The following PDZRN4 variants were observed in gnomAD, a reference collection of about 807,000 sequenced individuals.
PDZRN4 encodes the protein PDZ domain-containing RING finger protein 4.
A neutral mutation model predicts 99.0 loss-of-function variants in PDZRN4; 70 were observed. The ratio of observed to expected loss-of-function variants is 0.71; its 90% confidence interval spans 0.58 to 0.86. The LOEUF is 0.86. PDZRN4 is among the 40% of genes least tolerant of loss of function. The probability of loss-of-function intolerance (pLI) is 0.00; values close to 1 mark genes in which losing one functional copy is unlikely to be tolerated. For synonymous variants in PDZRN4, 551 were observed against 501.6 expected, an observed-to-expected ratio of 1.10 and a Z score of -1.32; for missense variants, 1,474 against 1,331.2, an observed-to-expected ratio of 1.11 and a Z score of -1.67.
chr12:41,215,881 A>G (rs1174191152), intron 3 of PDZRN4, among the ~76,000 whole-genome samples: 2 of 151,696 alleles, frequency 1.3e-5, no homozygotes, highest in Non-Finnish European at 2.9e-5. Context: ...ATTGAATTTA[A>G]TTTGCTCTCC....
intron 5 of PDZRN4, among the ~76,000 whole-genome samples, chr12:41,513,080 A>G (rs1249150996): frequency 4.6e-5 from 7 of 152,196 alleles, no homozygotes; most frequent in African/African-American, 1.7e-4. Flanking sequence ...GTATCTCGTG[A>G]GTACTTATAT....
At chr12:41,408,517 T>C (rs1301177977) in intron 3 of PDZRN4, among the ~76,000 whole-genome samples, 1 of 152,084 alleles carries the variant, frequency 6.6e-6, no homozygotes, top group East Asian at 1.9e-4. Context: ...GAAGTGAAAA[T>C]GGTATTTTAT....
intron 7 of PDZRN4, among the ~76,000 whole-genome samples, chr12:41,563,150 G>A (rs774322995): frequency 6.6e-6 from 1 of 152,140 alleles, no homozygotes; most frequent in African/African-American, 2.4e-5. Flanking sequence ...CGCGGCAAGC[G>A]TGCAGGATGA....
At chr12:41,469,956 A>T (rs949588888) in intron 3 of PDZRN4, among the ~76,000 whole-genome samples, 16 of 152,288 alleles carry the variant, frequency 1.1e-4, no homozygotes, top group African/African-American at 3.6e-4. Context: ...AAATAAAAAA[A>T]ATAAAAATAA....
intron 5 of PDZRN4, among the ~76,000 whole-genome samples, chr12:41,524,234 C>T (rs1938534797): frequency 6.6e-6 from 1 of 152,134 alleles, no homozygotes; most frequent in African/African-American, 2.4e-5. Flanking sequence ...AAAGACATCT[C>T]ATGTTCCTGG....
At chr12:41,284,072 T>C (rs1392529989) in intron 3 of PDZRN4, among the ~76,000 whole-genome samples, 4 of 152,132 alleles carry the variant, frequency 2.6e-5, no homozygotes, top group Admixed American at 1.3e-4. Context: ...TCAAATTATC[T>C]CTGTTTGCAG....
At chr12:41,532,013 A>G (rs549585809) in intron 5 of PDZRN4, among the ~76,000 whole-genome samples, 1 of 152,280 alleles carries the variant, frequency 6.6e-6, no homozygotes, top group South Asian at 2.1e-4. Context: ...TTCTTTCGCA[A>G]AGAAAAAGTA....
intron 3 of PDZRN4, among the ~76,000 whole-genome samples, chr12:41,248,315 T>C (rs559642869): frequency 6.8e-4 from 104 of 152,280 alleles, no homozygotes; most frequent in South Asian, 6.4e-3. Flanking sequence ...TATAATGGAA[T>C]CCAAAATTTT....
chr12:41,528,296 A>C (rs1283093261), intron 5 of PDZRN4, among the ~76,000 whole-genome samples: 1 of 152,182 alleles, frequency 6.6e-6, no homozygotes, highest in Non-Finnish European at 1.5e-5. Context: ...CTTAAACTTC[A>C]TCTTCTGCTT....
intron 3 of PDZRN4, among the ~76,000 whole-genome samples, chr12:41,310,595 G>C (rs1951600100): frequency 6.6e-6 from 1 of 152,126 alleles, no homozygotes; most frequent in Non-Finnish European, 1.5e-5. Context: ...GCTTGACCAT[G>C]CCAGGCTTTA....
intron 3 of PDZRN4, among the ~76,000 whole-genome samples, chr12:41,396,608 T>G (rs1439129333): frequency 6.6e-6 from 1 of 152,176 alleles, no homozygotes; most frequent in African/African-American, 2.4e-5. Flanking sequence ...TGTGAGGTTT[T>G]GATCAAGGCG....
At chr12:41,555,049 A>T (rs1939125315) in intron 6 of PDZRN4, among the ~76,000 whole-genome samples, 1 of 72,016 alleles carries the variant, frequency 1.4e-5, no homozygotes, top group Non-Finnish European at 2.8e-5. Context: ...TCTACTAAAA[A>T]TACAAAAAAA....
At chr12:41,551,288 T>C (rs285587) in intron 5 of PDZRN4, among the ~76,000 whole-genome samples, 130,704 of 152,002 alleles carry the variant, frequency 0.86, 56,671 homozygotes, top group East Asian at 0.97. Flanking sequence ...GGCTCAGCAG[T>C]TCTTACGACC....
At chr12:41,255,049 T>C (rs1951194704) in intron 3 of PDZRN4, among the ~76,000 whole-genome samples, 1 of 151,932 alleles carries the variant, frequency 6.6e-6, no homozygotes, top group Non-Finnish European at 1.5e-5. Context: ...CCCTCCAGCA[T>C]AAAGAAAAGA....
intron 5 of PDZRN4, among the ~76,000 whole-genome samples, chr12:41,516,693 G>T (rs1357234743): frequency 2.0e-5 from 3 of 151,870 alleles, no homozygotes; most frequent in Non-Finnish European, 4.4e-5. Context: ...AATGACGGGG[G>T]TTCTGGTCTG....
intron 3 of PDZRN4, among the ~76,000 whole-genome samples, chr12:41,215,939 G>A (rs1269180665): frequency 6.6e-6 from 1 of 151,622 alleles, no homozygotes; most frequent in Middle Eastern, 3.2e-3. Flanking sequence ...TTACATGAAA[G>A]CATTTTGTAA....
At chr12:41,369,685 A>T (rs562552901) in intron 3 of PDZRN4, among the ~76,000 whole-genome samples, 2 of 152,082 alleles carry the variant, frequency 1.3e-5, no homozygotes, top group African/African-American at 4.8e-5. Context: ...TAAATAAAGT[A>T]TACATGTAAG....
intron 3 of PDZRN4, among the ~76,000 whole-genome samples, chr12:41,400,417 A>G (rs1381666559): frequency 1.3e-5 from 2 of 152,196 alleles, no homozygotes; most frequent in African/African-American, 2.4e-5. Flanking sequence ...CTAAATCTGA[A>G]TAATTTGTGT....
intron 3 of PDZRN4, among the ~76,000 whole-genome samples, chr12:41,271,238 G>A (rs60176278): frequency 0.12 from 18,386 of 151,730 alleles, 1,955 homozygotes; most frequent in African/African-American, 0.28. Flanking sequence ...ACAAAATAGA[G>A]ACAGGATACA....
Sources: allele counts gnomAD v4.1 joint callset (sites outside exome capture counted in the v4.1 genomes callset), GRCh38; gene constraint gnomAD v4.1.1; transcripts MANE v1.5; gene names NCBI Gene and HGNC (gene_info 2026-07-23, HGNC 2026-07-21).